Variants in GPD2 observed in about 807,000 individuals in gnomAD.
The protein encoded by GPD2 is glycerol-3-phosphate dehydrogenase, mitochondrial.
GPD2 carries 54 observed loss-of-function variants against 82.4 expected under a neutral mutation model. That is an observed-to-expected ratio of 0.66 (90% CI 0.53 to 0.82). The LOEUF (loss-of-function observed/expected upper bound fraction) is 0.82, where lower values mean the gene tolerates loss of function less well. Ranked by LOEUF, GPD2 falls within the 40% of genes least tolerant of loss-of-function variation. GPD2 has a pLI of 0.00. For missense variants in GPD2, 748 were observed against 896.2 expected (o/e 0.83, Z 2.11); for synonymous variants, 288 against 306.1 (o/e 0.94, Z 0.62).
At chr2:156,525,280 G>T (rs902533220) in intron 6 of GPD2, among the ~76,000 whole-genome samples, 3 of 152,128 alleles carry the variant, frequency 2.0e-5, no homozygotes, top group African/African-American at 7.2e-5. Context: ...CCTGCAGTTG[G>T]CCCCTGAGCC....
At chr2:156,441,692 C>T (rs1682182072) in intron 1 of GPD2, among the ~76,000 whole-genome samples, 1 of 152,162 alleles carries the variant, frequency 6.6e-6, no homozygotes, top group Admixed American at 6.5e-5. Context: ...TCCCGGGGCC[C>T]ACTATTTTTG....
intron 9 of GPD2, among the ~76,000 whole-genome samples, chr2:156,559,643 GC>G (rs1341981532): frequency 6.6e-6 from 1 of 152,046 alleles, no homozygotes. Flanking sequence ...AGTATTAATT[GC>G]TTTTAATCTA....
intron 1 of GPD2, among the ~76,000 whole-genome samples, chr2:156,466,328 T>C (rs1271595894): frequency 6.6e-6 from 1 of 152,156 alleles, no homozygotes; most frequent in African/African-American, 2.4e-5. Context: ...TTTATAGCAA[T>C]TGTATGGAAA....
At chr2:156,434,638 T>G (rs1688372896), upstream of GPD2, among the ~76,000 whole-genome samples, 1 of 152,224 alleles carries the variant, frequency 6.6e-6, no homozygotes, top group African/African-American at 2.4e-5. Flanking sequence ...TCTCTGGGCC[T>G]GATAAATTTT....
chr2:156,421,145 G>T, the GPD2 span, among the ~76,000 whole-genome samples: 1 of 152,116 alleles, frequency 6.6e-6, no homozygotes, highest in East Asian at 1.9e-4. Flanking sequence ...ACTAATACAG[G>T]AACCACCCTT....
intron 6 of GPD2, among the ~76,000 whole-genome samples, chr2:156,536,420 C>T (rs1686083115): frequency 6.6e-6 from 1 of 152,070 alleles, no homozygotes; most frequent in Non-Finnish European, 1.5e-5. Flanking sequence ...AAATTGTGAC[C>T]AGATGAATTC....
chr2:156,578,989 C>G lies in GPD2; in HGVS notation c.1868C>G (p.Ser623Ter), dbSNP rs1286730469. The G allele has an allele frequency of 1.9e-6, 3 of 1,593,114 alleles. No homozygotes were observed. Among genetic ancestry groups the G allele is most frequent in the African/African-American group, 1.3e-5 (1 of 74,438 alleles). ...CGCTCTGAAATTAGCCTACTGCCTT[C>G]AGACATTGACAGGTACTTATAATAA... Reference protein sequence around the residue: ...TDRSEISLLPSDIDRYKKRFH... With the variant: ...TDRSEISLLP Residue 623 changes from serine (S) to a stop codon, truncating the protein, a stop_gained, in exon 14 of 17, where the codon TCA becomes TGA. Coordinates refer to ENST00000438166, the MANE Select transcript of GPD2 (RefSeq NM_000408.5). LOFTEE classifies it high-confidence loss of function.
At chr2:156,527,379 A>G (rs374706273) in intron 6 of GPD2, among the ~76,000 whole-genome samples, 3 of 152,282 alleles carry the variant, frequency 2.0e-5, no homozygotes, top group African/African-American at 7.2e-5. Flanking sequence ...GTTTCAAACT[A>G]GTTTCATTAT....
intron 6 of GPD2, among the ~76,000 whole-genome samples, chr2:156,533,549 T>C (rs1384639873): frequency 1.3e-5 from 2 of 152,180 alleles, no homozygotes; most frequent in Non-Finnish European, 2.9e-5. Context: ...AAAAATCTGC[T>C]CTCCAGAAAT....
At chr2:156,416,002 C>A in the GPD2 span, among the ~76,000 whole-genome samples, 1 of 138,120 alleles carries the variant, frequency 7.2e-6, no homozygotes, top group African/African-American at 2.7e-5. Flanking sequence ...GCCTGGGCGA[C>A]AGAGCGAGAC....
chr2:156,479,829 T>C (rs1683656942), intron 2 of GPD2, among the ~76,000 whole-genome samples: 1 of 152,140 alleles, frequency 6.6e-6, no homozygotes, highest in South Asian at 2.1e-4. Context: ...CTTTTCTTTA[T>C]TTTCCACCCA....
intron 9 of GPD2, among the ~76,000 whole-genome samples, chr2:156,559,298 A>G (rs1050663434): frequency 1.3e-5 from 2 of 152,200 alleles, no homozygotes; most frequent in East Asian, 1.9e-4. Flanking sequence ...TCTTATTTGT[A>G]TGCTACTCAT....
intron 2 of GPD2, among the ~76,000 whole-genome samples, chr2:156,485,001 G>T (rs1425217610): frequency 6.6e-6 from 1 of 152,152 alleles, no homozygotes; most frequent in African/African-American, 2.4e-5. Context: ...ATGTATAAGT[G>T]AGATCATACA....
intron 6 of GPD2, among the ~76,000 whole-genome samples, chr2:156,513,889 T>C (rs796409534): frequency 1.3e-5 from 2 of 152,204 alleles, no homozygotes; most frequent in African/African-American, 4.8e-5. Context: ...GTTTTCTAGA[T>C]GAAACCTCCA....
chr2:156,458,410 C>A (rs956314091), intron 1 of GPD2, among the ~76,000 whole-genome samples: 1 of 152,144 alleles, frequency 6.6e-6, no homozygotes, highest in Non-Finnish European at 1.5e-5. Context: ...AACTGCAAAT[C>A]CCCGAGGGGC....
At chr2:156,535,371 G>GAA (rs1686031870) in intron 6 of GPD2, among the ~76,000 whole-genome samples, 1 of 78,434 alleles carries the variant, frequency 1.3e-5, no homozygotes, top group Non-Finnish European at 2.5e-5. Context: ...GAGAGAGAGC[G>GAA]AGAAAGAGAA....
the GPD2 span, among the ~76,000 whole-genome samples, chr2:156,401,082 C>T: frequency 7.2e-5 from 11 of 152,154 alleles, no homozygotes; most frequent in Non-Finnish European, 1.5e-4. Flanking sequence ...TGTTTAAAGG[C>T]CCTGTTATTG....
the GPD2 span, among the ~76,000 whole-genome samples, chr2:156,428,736 G>C: frequency 6.6e-6 from 1 of 151,994 alleles, no homozygotes; most frequent in Non-Finnish European, 1.5e-5. Context: ...TCTACTTTAC[G>C]CCTCCCTAAA....
At chr2:156,440,647 A>G (rs575276539) in intron 1 of GPD2, among the ~76,000 whole-genome samples, 110 of 152,286 alleles carry the variant, frequency 7.2e-4, no homozygotes, top group African/African-American at 2.5e-3. Context: ...ATGTTCTTTC[A>G]AAACCAAATT....
Sources: allele counts gnomAD v4.1 joint callset (sites outside exome capture counted in the v4.1 genomes callset), GRCh38; gene constraint gnomAD v4.1.1; transcripts MANE v1.5; gene names NCBI Gene and HGNC (gene_info 2026-07-23, HGNC 2026-07-21).